Variants in UBE3D observed in about 807,000 individuals in gnomAD.
The protein encoded by UBE3D is ubiquitin protein ligase E3D, also known as E3 ubiquitin-protein ligase E3D.
A neutral mutation model predicts 49.6 loss-of-function variants in UBE3D; 48 were observed. That is an observed-to-expected ratio of 0.97 (90% CI 0.77 to 1.23). The LOEUF (loss-of-function observed/expected upper bound fraction) is 1.23, where lower values mean the gene tolerates loss of function less well. Among genes scored for constraint, UBE3D ranks in the 50% most tolerant of loss-of-function variants. The pLI is 0.00. For missense variants in UBE3D, 452 were observed against 468.4 expected, an observed-to-expected ratio of 0.96 and a Z score of 0.32; for synonymous variants, 189 against 174.2, an observed-to-expected ratio of 1.08 and a Z score of -0.67.
rs557165335 is a variant in UBE3D, at chr6:82,957,328, C to T, written c.1133G>A (p.Arg378His). Reference protein sequence around the residue: ...SNANLPSSLRRVNSFQVAFLK... With the variant: ...SNANLPSSLRHVNSFQVAFLK... ...ATTGCTCACCTGAAAGGAATTCACA[C>T]GGCGAAGGGATGAAGGCAGATTGGC... The change falls in exon 9 of 10, where the codon CGT (arginine) becomes CAT (histidine). Residue 378 changes from arginine to histidine, a missense_variant. Transcript: ENST00000369747. 2.0e-5 allele frequency: 33 copies of T among 1,613,720 alleles called. No individual in the cohort carries two copies. Among genetic ancestry groups the T allele is most frequent in the East Asian group, 1.3e-4 (6 of 44,856 alleles).
chr6:83,000,273 C>G (rs1041872999), intron 8 of UBE3D, among the ~76,000 whole-genome samples: 5 of 152,216 alleles, frequency 3.3e-5, no homozygotes, highest in Non-Finnish European at 5.9e-5. Context: ...ATTTGCTATT[C>G]TCTCTTGAAC....
chr6:82,934,103 T>C (rs1774376036), intron 9 of UBE3D, among the ~76,000 whole-genome samples: 1 of 152,152 alleles, frequency 6.6e-6, no homozygotes, highest in South Asian at 2.1e-4. Flanking sequence ...CTCTTGACAG[T>C]GGGTGAGTTC....
At chr6:83,047,999 C>T (rs540944403) in intron 3 of UBE3D, among the ~76,000 whole-genome samples, 106 of 139,440 alleles carry the variant, frequency 7.6e-4, no homozygotes, top group African/African-American at 2.6e-3. Context: ...GGAGAATGGC[C>T]TGAACCCGGG....
rs532256201 is a variant in UBE3D at position 82,974,486 on chromosome 6, C to G, written c.1011-17036G>C. On this transcript the variant is annotated intron_variant, in intron 8 of 9. Coordinates refer to ENST00000369747, the MANE Select transcript of UBE3D (RefSeq NM_198920.3). ...TCTTGAGATTACTTATAATACCTAACACAATGTAAATGCTATGTAAATAGT... is the reference window on the plus strand; with the variant it reads ...TCTTGAGATTACTTATAATACCTAAGACAATGTAAATGCTATGTAAATAGT... Among the ~76,000 whole-genome samples the G allele has an allele frequency of 1.8e-4, 28 of 152,266 alleles. 1 individual carries two copies. The highest frequency in any genetic ancestry group is 6.7e-4 in the African/African-American group (28 of 41,552).
intron 1 of UBE3D, among the ~76,000 whole-genome samples, chr6:83,061,466 T>G (rs984733685): frequency 4.6e-5 from 7 of 152,238 alleles, no homozygotes; most frequent in African/African-American, 1.7e-4. Flanking sequence ...TTGATTGACA[T>G]AGTTCATACA....
intron 9 of UBE3D, among the ~76,000 whole-genome samples, chr6:82,951,236 A>G (rs138615047): frequency 2.4e-4 from 37 of 152,282 alleles, no homozygotes; most frequent in African/African-American, 8.7e-4. Flanking sequence ...TATACCTACT[A>G]TGTACCCATA....
chr6:83,022,524 C>G lies in UBE3D; in HGVS notation c.775G>C (p.Val259Leu), dbSNP rs1781174695. ...FVQSVIAQCL[V>L]QLSSARSTFR... is the part of the protein sequence containing the mutation. ...GTGCTTCTAGCAGAGGAGAGCTGCA[C>G]CAGACACTGGGCGATCACGCTCTGG... is the stretch of plus-strand genomic sequence containing the variant. The change falls in exon 7 of 10, where the codon GTG becomes CTG. Residue 259 changes from valine to leucine, a missense_variant. By Grantham distance (32) the Val-to-Leu change is conservative (BLOSUM62 1). Coordinates refer to ENST00000369747, the MANE Select transcript of UBE3D (RefSeq NM_198920.3). 6.2e-7 allele frequency: 1 copy of G among 1,605,340 alleles called. No homozygotes were observed. The highest frequency in any genetic ancestry group is 1.1e-5 in the South Asian group (1 of 89,398).
chr6:82,947,911 C>T (rs1441232355), intron 9 of UBE3D, among the ~76,000 whole-genome samples: 1 of 151,826 alleles, frequency 6.6e-6, no homozygotes, highest in Non-Finnish European at 1.5e-5. Context: ...TACATCAAAA[C>T]AGAAGAAAAA....
chr6:82,881,911 A>G, the UBE3D span, among the ~76,000 whole-genome samples: 1 of 152,214 alleles, frequency 6.6e-6, no homozygotes, highest in African/African-American at 2.4e-5. Flanking sequence ...ATGCCAGCTA[A>G]TACCTGGCAT....
intron 9 of UBE3D, among the ~76,000 whole-genome samples, chr6:82,926,790 C>A (rs1304215787): frequency 6.6e-6 from 1 of 152,046 alleles, no homozygotes; most frequent in Non-Finnish European, 1.5e-5. Context: ...GTTTTCTTTT[C>A]TCCCAGTCTG....
At chr6:83,005,922 T>C (rs1344701196) in intron 8 of UBE3D, among the ~76,000 whole-genome samples, 3 of 151,982 alleles carry the variant, frequency 2.0e-5, no homozygotes, top group Non-Finnish European at 4.4e-5. Flanking sequence ...TTACACAAGA[T>C]ATCAAAAAGT....
intron 5 of UBE3D, among the ~76,000 whole-genome samples, chr6:83,028,352 A>G (rs746863703): frequency 6.6e-6 from 1 of 152,174 alleles, no homozygotes; most frequent in Non-Finnish European, 1.5e-5. Context: ...TACAATGAAG[A>G]TATTTCCTTA....
chr6:83,053,287 G>A (rs751039564), intron 3 of UBE3D, among the ~76,000 whole-genome samples: 11 of 152,286 alleles, frequency 7.2e-5, no homozygotes, highest in Non-Finnish European at 1.6e-4. Context: ...CAGCATTACT[G>A]AGATAAGGAA....
chr6:82,965,218 A>G (rs1776826343), intron 8 of UBE3D, among the ~76,000 whole-genome samples: 2 of 152,216 alleles, frequency 1.3e-5, no homozygotes, highest in Admixed American at 6.5e-5. Context: ...AAAATAAGAA[A>G]TGTTGTCTTT....
At chr6:82,926,471 T>C (rs1449330452) in intron 9 of UBE3D, among the ~76,000 whole-genome samples, 2 of 152,148 alleles carry the variant, frequency 1.3e-5, no homozygotes, top group East Asian at 1.9e-4. Context: ...ACCTTTGGTA[T>C]TGATGATATG....
intron 1 of UBE3D, among the ~76,000 whole-genome samples, chr6:83,062,686 AT>A (rs1235638652): frequency 2.6e-5 from 4 of 152,214 alleles, no homozygotes; most frequent in African/African-American, 9.6e-5. Flanking sequence ...GTTTTATGCT[AT>A]TTTTAGGGAA....
intron 9 of UBE3D, among the ~76,000 whole-genome samples, chr6:82,954,871 T>A (rs1474104287): frequency 6.6e-6 from 1 of 152,170 alleles, no homozygotes; most frequent in African/African-American, 2.4e-5. Context: ...CCTGGTATGT[T>A]CCTTATAAGA....
At chr6:82,992,436 T>A (rs1778957772) in intron 8 of UBE3D, among the ~76,000 whole-genome samples, 1 of 152,098 alleles carries the variant, frequency 6.6e-6, no homozygotes, top group African/African-American at 2.4e-5. Context: ...CTGGCCAGGC[T>A]GGTCTCAAAC....
intron 9 of UBE3D, among the ~76,000 whole-genome samples, chr6:82,929,102 T>C (rs1270287508): frequency 1.3e-5 from 2 of 152,184 alleles, no homozygotes; most frequent in Non-Finnish European, 2.9e-5. Context: ...ATCAAAATCA[T>C]AAAAATAATA....
Sources: gnomAD v4.1 joint callset for allele counts (sites outside exome capture counted in the v4.1 genomes callset) on GRCh38, gnomAD v4.1.1 for gene constraint, MANE v1.5 for transcripts, NCBI Gene and HGNC (gene_info 2026-07-23, HGNC 2026-07-21) for gene names.